HMCN1: variants seen among roughly 807,000 people sequenced by gnomAD.
HMCN1 encodes hemicentin-1.
HMCN1 carries 321 observed loss-of-function variants against 625.9 expected under a neutral mutation model. The observed-to-expected ratio is 0.51, with a 90% CI of 0.47 to 0.56. The LOEUF (loss-of-function observed/expected upper bound fraction) is 0.56. Among genes scored for constraint, HMCN1 ranks in the 20% least tolerant of loss-of-function variants. The probability of loss-of-function intolerance (pLI) is 0.00; values close to 1 mark genes in which losing one functional copy is unlikely to be tolerated. For missense variants in HMCN1, 6,588 were observed against 6,887.3 expected, an observed-to-expected ratio of 0.96 and a Z score of 1.54; for synonymous variants, 2,425 against 2,417.6, an observed-to-expected ratio of 1.00 and a Z score of -0.09.
chr1:185,886,984 T>C (rs1646444478), intron 4 of HMCN1, among the ~76,000 whole-genome samples: 1 of 152,124 alleles, frequency 6.6e-6, no homozygotes, highest in African/African-American at 2.4e-5. Context: ...TTAGGCTAGC[T>C]TTTTTCTGCC....
intron 4 of HMCN1, among the ~76,000 whole-genome samples, chr1:185,897,812 T>G (rs549776163): frequency 6.6e-6 from 1 of 152,306 alleles, no homozygotes; most frequent in South Asian, 2.1e-4. Context: ...GTTAGCTAGC[T>G]TTTAAGAGAT....
At chr1:186,076,299 C>T (rs1216768124) in intron 53 of HMCN1, 129 bp from the exon 54 acceptor site, 7 of 918,870 alleles carry the variant, frequency 7.6e-6, no homozygotes, top group African/African-American at 1.7e-5. Flanking sequence ...TTGGTGGTGG[C>T]GTCAGTACTT....
chr1:185,987,579 C>CA (rs1558120437), intron 20 of HMCN1, 35 bp downstream of exon 20: 1 of 1,421,018 alleles, frequency 7.0e-7, no homozygotes, highest in Admixed American at 1.7e-5. Flanking sequence ...TCCTGAAGAG[C>CA]AGAGTGTGAA....
Position 186,151,275 on chromosome 1 carries a change from C to G in HMCN1, c.14684C>G (p.Ala4895Gly), listed in dbSNP as rs768684510. The change falls in exon 94 of 107, where the codon GCC becomes GGC. Residue 4895 changes from alanine (A) to glycine (G), a missense_variant. Ala to Gly is a moderately conservative substitution (Grantham distance 60, BLOSUM62 0). Coordinates refer to ENST00000271588, the MANE Select transcript of HMCN1 (RefSeq NM_031935.3). ...DVEFGIAFLN[A>G]TITDSPNSDT... ...GAATTTGGAATTGCTTTCCTTAATGCCACAATAACTGATAGCCCTAACTCT... is the reference window on the plus strand; with the variant it reads ...GAATTTGGAATTGCTTTCCTTAATGGCACAATAACTGATAGCCCTAACTCT... The G allele has an allele frequency of 8.7e-6, 14 of 1,612,462 alleles. No homozygotes were observed. Among genetic ancestry groups the G allele is most frequent in the Non-Finnish European group, 1.2e-5 (14 of 1,178,670 alleles).
chr1:185,970,197 G>A (rs1650711860), intron 14 of HMCN1, 138 bp from the exon 15 acceptor site: 1 of 790,032 alleles, frequency 1.3e-6, no homozygotes, highest in Admixed American at 1.7e-5. Context: ...ACTGTAGAAA[G>A]TGTCTATGTT....
chr1:185,859,042 T>C (rs1207746881), intron 2 of HMCN1, among the ~76,000 whole-genome samples: 3 of 150,622 alleles, frequency 2.0e-5, no homozygotes, highest in Admixed American at 2.0e-4. Flanking sequence ...TGTGTGTGTG[T>C]GTGTGTGTGT....
chr1:185,991,200 C>T (rs752029929), intron 22 of HMCN1, among the ~76,000 whole-genome samples: 31 of 152,272 alleles, frequency 2.0e-4, no homozygotes, highest in Non-Finnish European at 3.7e-4. Context: ...CTATAATTAA[C>T]TTTCTGTTAG....
chr1:186,164,845 A>T (rs1651777632), intron 97 of HMCN1, among the ~76,000 whole-genome samples: 1 of 152,182 alleles, frequency 6.6e-6, no homozygotes, highest in African/African-American at 2.4e-5. Context: ...CTTTTTAGTT[A>T]TCACATAATT....
chr1:185,972,708 T>A (rs914798981), intron 15 of HMCN1, among the ~76,000 whole-genome samples: 2 of 152,160 alleles, frequency 1.3e-5, no homozygotes, highest in African/African-American at 4.8e-5. Context: ...TGTTAGATCT[T>A]TCTCTTTGTA....
chr1:185,910,192 C>T (rs1274657828), intron 5 of HMCN1, among the ~76,000 whole-genome samples: 1 of 151,674 alleles, frequency 6.6e-6, no homozygotes, highest in Non-Finnish European at 1.5e-5. Flanking sequence ...GCTTTAGTTG[C>T]ATTTTTTTCT....
At chr1:186,048,212 A>G (rs1189858455) in intron 41 of HMCN1, among the ~76,000 whole-genome samples, 1 of 152,146 alleles carries the variant, frequency 6.6e-6, no homozygotes, top group African/African-American at 2.4e-5. Flanking sequence ...CATTGATGCA[A>G]GTTGTACATA....
chr1:186,102,785 A>G (rs1660442761), intron 68 of HMCN1, among the ~76,000 whole-genome samples: 1 of 152,200 alleles, frequency 6.6e-6, no homozygotes, highest in Admixed American at 6.5e-5. Flanking sequence ...GCAAATGGTC[A>G]TCATAAGGGG....
chr1:186,059,365 T>C lies in HMCN1; in HGVS notation c.7312+1964T>C, dbSNP rs149040229. On this transcript the variant is annotated intron_variant, in intron 46 of 106. Coordinates refer to ENST00000271588, the MANE Select transcript of HMCN1 (RefSeq NM_031935.3). ...TCACTTGCTAAGGAAGTAGGGACTC[T>C]TATTAAATATAGTAAGTGCAGCAGA... Among the ~76,000 whole-genome samples the C allele has an allele frequency of 7.9e-5, 12 of 152,226 alleles. No homozygotes were observed. In the East Asian group the frequency reaches 2.3e-3, roughly 29 times the overall value.
chr1:185,968,480 T>TTATA (rs369735007), intron 14 of HMCN1, among the ~76,000 whole-genome samples: 26 of 149,324 alleles, frequency 1.7e-4, no homozygotes, highest in African/African-American at 5.6e-4. Context: ...ATTTCTAAAA[T>TTATA]TATATATATA....
In HMCN1 at chr1:186,055,872, C is replaced by T. The variant is rs114578345; in HGVS notation, c.7144+198C>T. ...ACATTATTTACCTTGCTGAAATAAG[C>T]GCATATTAGATATTCTTTAAGGAAA... On this transcript the variant is annotated intron_variant, in intron 45 of 106. Coordinates refer to ENST00000271588, the MANE Select transcript of HMCN1 (RefSeq NM_031935.3). Among the ~76,000 whole-genome samples the T allele has an allele frequency of 2.9e-3, 438 of 152,010 alleles. 4 individuals are homozygous for T. Among genetic ancestry groups the T allele is most frequent in the African/African-American group, 1.0e-2 (414 of 41,508 alleles).
intron 25 of HMCN1, among the ~76,000 whole-genome samples, chr1:185,998,880 A>G (rs1240805321): frequency 1.3e-5 from 2 of 152,128 alleles, no homozygotes; most frequent in Non-Finnish European, 2.9e-5. Context: ...ATTAAAGTTC[A>G]TAAAGGAATG....
intron 12 of HMCN1, among the ~76,000 whole-genome samples, 173 bp from the exon 13 acceptor site, chr1:185,963,589 ATATTAT>A (rs557403420): frequency 6.6e-6 from 1 of 152,146 alleles, no homozygotes; most frequent in Non-Finnish European, 1.5e-5. Context: ...TGGATACATG[ATATTAT>A]TATTATTATT....
chr1:185,957,244 A>G (rs991319103), intron 11 of HMCN1: 1 of 152,214 alleles, frequency 6.6e-6, no homozygotes, highest in African/African-American at 2.4e-5. Context: ...TGAAAAATTC[A>G]TAGTTGTTAT....
In HMCN1 at chr1:185,984,170, T is replaced by C; in HGVS notation, c.2792T>C (p.Leu931Ser). Residue 931 changes from leucine to serine, a missense_variant and splice_region_variant, in exon 19 of 107, where the codon TTG (leucine) becomes TCG (serine). Physicochemically the swap from Leu to Ser is moderately radical, Grantham distance 145. Around this residue, in one of 3 missense-constraint regions of HMCN1, gnomAD observed 4,628 missense variants for 4,853.1 expected, o/e 0.95. Coordinates refer to ENST00000271588, the MANE Select transcript of HMCN1 (RefSeq NM_031935.3). ...AATTACCTTTTTTTTTCCTTTAAGT[T>C]GCTCCAAAATCCTTACATCACTGTG... ...ERRWIKNSAM[L>S]LQNPYITVRS... The C allele has an allele frequency of 6.2e-7, 1 of 1,612,784 alleles. No homozygotes were observed. Among genetic ancestry groups the C allele is most frequent in the South Asian group, 1.1e-5 (1 of 90,902 alleles).
Sources: allele counts gnomAD v4.1 joint callset (sites outside exome capture counted in the v4.1 genomes callset), GRCh38; gene constraint gnomAD v4.1.1; regional missense constraint gnomAD v4.1.1; transcripts MANE v1.5; gene names NCBI Gene and HGNC (gene_info 2026-07-23, HGNC 2026-07-21).